SLC9A9: variants seen among roughly 807,000 people sequenced by gnomAD.
The protein encoded by SLC9A9 is solute carrier family 9 member A9.
In SLC9A9, 62 loss-of-function variants were observed where a neutral mutation model predicts 77.8. That is an observed-to-expected ratio of 0.80 (90% CI 0.65 to 0.98). SLC9A9 has a LOEUF of 0.98. Among genes scored for constraint, SLC9A9 ranks in the 50% least tolerant of loss-of-function variants. SLC9A9 has a pLI of 0.00. For synonymous variants in SLC9A9, 320 were observed against 283.5 expected, an observed-to-expected ratio of 1.13 and a Z score of -1.29; for missense variants, 775 against 774.9, an observed-to-expected ratio of 1.00 and a Z score of 0.00.
intron 4 of SLC9A9, 55 bp downstream of exon 4, chr3:143,794,946 A>G: frequency 6.7e-7 from 1 of 1,489,824 alleles, no homozygotes; most frequent in Non-Finnish European, 9.4e-7. Context: ...TAGATCCCTC[A>G]CACAGATCAC....
At chr3:143,797,053 G>T in intron 2 of SLC9A9, 150 bp from the exon 3 acceptor site, 1 of 608,184 alleles carries the variant, frequency 1.6e-6, no homozygotes, top group Non-Finnish European at 2.9e-6. Context: ...AGGAAAAAAT[G>T]AAAATTTGGA....
intron 2 of SLC9A9, among the ~76,000 whole-genome samples, chr3:143,800,870 C>T (rs748925302): frequency 1.3e-5 from 2 of 152,152 alleles, no homozygotes; most frequent in Admixed American, 6.6e-5. Flanking sequence ...CTTCTCCATC[C>T]GTTACCTGTC....
chr3:143,794,011 T>G (rs1325309027), intron 4 of SLC9A9, among the ~76,000 whole-genome samples: 1 of 152,168 alleles, frequency 6.6e-6, no homozygotes, highest in African/African-American at 2.4e-5. Context: ...CTTAAACCAT[T>G]CTGAATATTT....
intron 12 of SLC9A9, among the ~76,000 whole-genome samples, chr3:143,436,084 T>C (rs928451596): frequency 6.6e-6 from 1 of 152,166 alleles, no homozygotes; most frequent in African/African-American, 2.4e-5. Context: ...CTTCTGCCCT[T>C]CTGCTCTTCT....
At chr3:143,429,062 T>A (rs1056472982) in intron 12 of SLC9A9, among the ~76,000 whole-genome samples, 40 of 152,214 alleles carry the variant, frequency 2.6e-4, no homozygotes, top group African/African-American at 8.9e-4. Context: ...TTCAGTGTCA[T>A]CACAATGATA....
At position 143,680,399 on chromosome 3, in the gene SLC9A9, C is replaced by T. The variant is rs185933761; in HGVS notation, c.649+12793G>A. Reference sequence around the variant, plus strand: ...AGTTTTTCATTGTTTAAAAAGTACTCCATGAAAAAAATCTAGGAGGAAGAA... The same window carrying T: ...AGTTTTTCATTGTTTAAAAAGTACTTCATGAAAAAAATCTAGGAGGAAGAA... On this transcript the variant is annotated intron_variant, in intron 5 of 15. Coordinates refer to ENST00000316549, the MANE Select transcript of SLC9A9 (RefSeq NM_173653.4). Among the ~76,000 whole-genome samples the T allele has an allele frequency of 3.2e-4, 49 of 152,110 alleles. No homozygotes were observed. In the East Asian group the frequency reaches 6.6e-3, roughly 20 times the overall value.
chr3:143,472,105 T>G (rs1056024871), intron 11 of SLC9A9, among the ~76,000 whole-genome samples: 11 of 152,198 alleles, frequency 7.2e-5, no homozygotes, highest in Non-Finnish European at 1.2e-4. Context: ...TGATTTAAGG[T>G]GCAAAGCAAT....
chr3:143,707,510 C>A (rs1414147005), intron 4 of SLC9A9, among the ~76,000 whole-genome samples: 2 of 152,018 alleles, frequency 1.3e-5, no homozygotes, highest in Non-Finnish European at 2.9e-5. Context: ...CTATTTAATT[C>A]TAAGTAGAAA....
intron 12 of SLC9A9, among the ~76,000 whole-genome samples, chr3:143,416,463 T>C (rs1483463904): frequency 2.0e-5 from 3 of 152,170 alleles, no homozygotes; most frequent in African/African-American, 7.2e-5. Flanking sequence ...CCACCTCGAT[T>C]AGTCAGCAGC....
chr3:143,294,221 T>G (rs954740326), intron 14 of SLC9A9, among the ~76,000 whole-genome samples: 1 of 152,150 alleles, frequency 6.6e-6, no homozygotes, highest in Non-Finnish European at 1.5e-5. Flanking sequence ...CAAATAAAAC[T>G]AAACGAAACT....
chr3:143,554,730 G>C (rs2036949868), intron 8 of SLC9A9, among the ~76,000 whole-genome samples: 1 of 151,990 alleles, frequency 6.6e-6, no homozygotes, highest in Non-Finnish European at 1.5e-5. Context: ...CCTCTTCTCT[G>C]ACCACTCCCC....
chr3:143,799,057 C>T (rs972595941), intron 2 of SLC9A9, among the ~76,000 whole-genome samples: 1 of 152,158 alleles, frequency 6.6e-6, no homozygotes, highest in Non-Finnish European at 1.5e-5. Flanking sequence ...CTAGTCCTCC[C>T]CCACCTGCCC....
At chr3:143,561,484 A>G (rs1259561675) in intron 8 of SLC9A9, among the ~76,000 whole-genome samples, 1 of 152,170 alleles carries the variant, frequency 6.6e-6, no homozygotes, top group African/African-American at 2.4e-5. Flanking sequence ...ATATATGAAA[A>G]AGAGGACTTG....
intron 6 of SLC9A9, among the ~76,000 whole-genome samples, chr3:143,618,925 G>A (rs2038152378): frequency 6.6e-6 from 1 of 152,190 alleles, no homozygotes; most frequent in Admixed American, 6.5e-5. Flanking sequence ...CAGTTTCCAT[G>A]GAGCATCACA....
At chr3:143,750,479 T>C (rs1053333341) in intron 4 of SLC9A9, among the ~76,000 whole-genome samples, 9 of 152,166 alleles carry the variant, frequency 5.9e-5, no homozygotes, top group Admixed American at 3.9e-4. Context: ...ATTAAAGCAC[T>C]AATTGAACTT....
At chr3:143,335,305 T>A (rs1318245655) in intron 14 of SLC9A9, among the ~76,000 whole-genome samples, 1 of 152,150 alleles carries the variant, frequency 6.6e-6, no homozygotes. Flanking sequence ...CATTCCATGT[T>A]TATGGCTCAG....
At chr3:143,384,887 C>A (rs910181056) in intron 12 of SLC9A9, among the ~76,000 whole-genome samples, 3 of 152,178 alleles carry the variant, frequency 2.0e-5, no homozygotes, top group Non-Finnish European at 2.9e-5. Flanking sequence ...AAAAAATGTA[C>A]CACAGCTTAA....
chr3:143,759,661 T>C (rs1576707136), intron 4 of SLC9A9, among the ~76,000 whole-genome samples: 1 of 152,026 alleles, frequency 6.6e-6, no homozygotes, highest in Non-Finnish European at 1.5e-5. Flanking sequence ...CCCGTTTTTT[T>C]CAAGCTGCTC....
chr3:143,733,679 G>A (rs975114288), intron 4 of SLC9A9, among the ~76,000 whole-genome samples: 6 of 151,988 alleles, frequency 3.9e-5, no homozygotes, highest in African/African-American at 1.2e-4. Flanking sequence ...AGACCCAAGA[G>A]GGCTTGCGGT....
Sources: gnomAD v4.1 joint callset for allele counts (sites outside exome capture counted in the v4.1 genomes callset) on GRCh38, gnomAD v4.1.1 for gene constraint, MANE v1.5 for transcripts, NCBI Gene and HGNC (gene_info 2026-07-23, HGNC 2026-07-21) for gene names.